Variants in DCLK1 observed in about 807,000 individuals in gnomAD.
DCLK1 encodes doublecortin like kinase 1.
DCLK1 carries 16 observed loss-of-function variants against 86.2 expected under a neutral mutation model. The ratio of observed to expected loss-of-function variants is 0.19; its 90% CI spans 0.13 to 0.28. The LOEUF is 0.28. Among genes scored for constraint, DCLK1 ranks in the 10% least tolerant of loss-of-function variants. DCLK1 has a pLI of 1.00. For missense variants in DCLK1, 590 were observed against 940.2 expected, an observed-to-expected ratio of 0.63 and a Z score of 4.87; for synonymous variants, 369 against 370.5, an observed-to-expected ratio of 1.00 and a Z score of 0.05.
intron 6 of DCLK1, chr13:35,847,062 A>G (rs1177964031): frequency 7.4e-5 from 73 of 985,072 alleles, no homozygotes; most frequent in Non-Finnish European, 8.4e-5. Flanking sequence ...GGCAACCACT[A>G]CAAGCCATCC....
chr13:35,864,651 TC>T (rs1566575164), intron 5 of DCLK1, among the ~76,000 whole-genome samples: 16 of 139,282 alleles, frequency 1.1e-4, no homozygotes, highest in African/African-American at 4.6e-4. Context: ...ATTTTTCTTC[TC>T]TCTTTTTTTT....
At chr13:35,978,366 C>T (rs571440741) in intron 3 of DCLK1, among the ~76,000 whole-genome samples, 1 of 151,720 alleles carries the variant, frequency 6.6e-6, no homozygotes, top group Admixed American at 6.6e-5. Flanking sequence ...ACATCACGCC[C>T]GGCTAATTTT....
intron 3 of DCLK1, among the ~76,000 whole-genome samples, chr13:36,107,714 A>C (rs77829067): frequency 0.02 from 3,119 of 152,220 alleles, 97 homozygotes; most frequent in African/African-American, 0.072. Flanking sequence ...CTAAGGACGG[A>C]TTCAAGAACC....
chr13:36,106,848 C>A (rs1055347832), intron 3 of DCLK1, among the ~76,000 whole-genome samples: 1 of 152,056 alleles, frequency 6.6e-6, no homozygotes, highest in Non-Finnish European at 1.5e-5. Flanking sequence ...ATAATTTGTA[C>A]CACTTTTTTA....
At chr13:36,071,389 G>A (rs1883969811) in intron 3 of DCLK1, among the ~76,000 whole-genome samples, 1 of 152,034 alleles carries the variant, frequency 6.6e-6, no homozygotes, top group Non-Finnish European at 1.5e-5. Flanking sequence ...GCCTCATTCT[G>A]TTAAGTATTA....
intron 15 of DCLK1, among the ~76,000 whole-genome samples, chr13:35,799,858 GA>G (rs2086884563): frequency 6.6e-6 from 1 of 151,998 alleles, no homozygotes. Context: ...CTAATTCCTG[GA>G]AAGGTCAAGA....
intron 3 of DCLK1, among the ~76,000 whole-genome samples, chr13:35,996,445 G>C (rs1880482240): frequency 6.6e-6 from 1 of 152,142 alleles, no homozygotes. Context: ...TTTCTTTGAG[G>C]GTGTTTTTAG....
At chr13:35,933,716 C>T (rs1175979784) in intron 4 of DCLK1, among the ~76,000 whole-genome samples, 1 of 152,170 alleles carries the variant, frequency 6.6e-6, no homozygotes, top group African/African-American at 2.4e-5. Context: ...GGACCCTGGG[C>T]CCAGGCCACA....
intron 4 of DCLK1, among the ~76,000 whole-genome samples, chr13:35,903,722 A>G (rs1593717641): frequency 6.6e-6 from 1 of 151,624 alleles, no homozygotes; most frequent in African/African-American, 2.4e-5. Flanking sequence ...GCTTTGATAT[A>G]TGCCCTAACA....
At chr13:36,019,016 G>A (rs751864934) in intron 3 of DCLK1, among the ~76,000 whole-genome samples, 76 of 152,128 alleles carry the variant, frequency 5.0e-4, no homozygotes, top group Non-Finnish European at 8.8e-4. Flanking sequence ...AATTTATCTT[G>A]AGGTATGTGT....
chr13:36,060,691 T>C (rs1883510908), intron 3 of DCLK1, among the ~76,000 whole-genome samples: 1 of 152,024 alleles, frequency 6.6e-6, no homozygotes, highest in African/African-American at 2.4e-5. Flanking sequence ...AATGAGTTAA[T>C]AAAAAAAGAT....
intron 4 of DCLK1, among the ~76,000 whole-genome samples, chr13:35,915,885 G>C (rs1231720788): frequency 3.3e-5 from 5 of 152,122 alleles, no homozygotes; most frequent in Non-Finnish European, 7.4e-5. Context: ...TAAAAAGTGA[G>C]GCAGCTTTCT....
intron 4 of DCLK1, among the ~76,000 whole-genome samples, chr13:35,909,630 TGTGTGTGTGTA>T (rs1476982990): frequency 1.4e-4 from 18 of 125,396 alleles, no homozygotes; most frequent in South Asian, 1.4e-3. Context: ...TGTGTGTGTG[TGTGTGTGTGTA>T]TTTTTTTTTT....
chr13:35,997,100 C>T lies in DCLK1; in HGVS notation c.724-49643G>A, dbSNP rs368809511. On this transcript the variant is annotated intron_variant, in intron 3 of 16. Transcript: ENST00000360631. ...AAAAGCCAATTAGTTTCCAGAATGG[C>T]TCCTTTCTCTTGGGGCTACACCTTG... Among the ~76,000 whole-genome samples, 8 of 152,314 alleles carry T rather than the reference C, an allele frequency of 5.3e-5. No homozygotes were observed. In the South Asian group the frequency reaches 1.2e-3, roughly 24 times the overall value.
At chr13:36,110,716 G>T (rs1474133350) in intron 3 of DCLK1, among the ~76,000 whole-genome samples, 1 of 151,808 alleles carries the variant, frequency 6.6e-6, no homozygotes, top group Non-Finnish European at 1.5e-5. Context: ...TTTTAAAAAA[G>T]CATTTTGATA....
intron 6 of DCLK1, among the ~76,000 whole-genome samples, chr13:35,841,289 TAGTAAGA>T (rs1454265738): frequency 6.6e-6 from 1 of 152,218 alleles, no homozygotes; most frequent in African/African-American, 2.4e-5. Flanking sequence ...CTTGTTCTTT[TAGTAAGA>T]ACATCAGGTA....
chr13:35,858,844 G>T (rs940463693), intron 5 of DCLK1, among the ~76,000 whole-genome samples: 1 of 152,120 alleles, frequency 6.6e-6, no homozygotes, highest in Admixed American at 6.6e-5. Context: ...CTGAACATTG[G>T]GAACAGCATG....
intron 10 of DCLK1, 72 bp downstream of exon 10, chr13:35,827,563 G>A: frequency 1.3e-6 from 2 of 1,560,558 alleles, no homozygotes; most frequent in Non-Finnish European, 8.7e-7. Flanking sequence ...GAGAAAATAA[G>A]GGAAAGAGCT....
intron 5 of DCLK1, among the ~76,000 whole-genome samples, chr13:35,862,448 C>T (rs1871470599): frequency 6.6e-6 from 1 of 152,228 alleles, no homozygotes; most frequent in Admixed American, 6.5e-5. Flanking sequence ...AGGATGACTA[C>T]AATGGCCTCA....
Sources: allele counts gnomAD v4.1 joint callset (sites outside exome capture counted in the v4.1 genomes callset), GRCh38; gene constraint gnomAD v4.1.1; transcripts MANE v1.5; gene names NCBI Gene and HGNC (gene_info 2026-07-23, HGNC 2026-07-21).